Variants in KLF12 observed in about 807,000 individuals in gnomAD.
The protein encoded by KLF12 is KLF transcription factor 12.
A neutral mutation model predicts 37.8 loss-of-function variants in KLF12; 9 were observed. That is an observed-to-expected ratio of 0.24 (90% CI 0.14 to 0.42). The LOEUF is 0.42. Ranked by LOEUF, KLF12 falls within the 10% of genes least tolerant of loss-of-function variation. KLF12 has a pLI of 1.00. For missense variants in KLF12, 411 were observed against 516.0 expected (o/e 0.80, Z 1.97); for synonymous variants, 208 against 202.1 (o/e 1.03, Z -0.25).
At chr13:74,164,956 TTAGA>T in the KLF12 span, among the ~76,000 whole-genome samples, 1 of 152,126 alleles carries the variant, frequency 6.6e-6, no homozygotes, top group African/African-American at 2.4e-5. Context: ...AGAAATATAG[TTAGA>T]TAGAATGAAT....
In KLF12 at chr13:74,121,419, A is replaced by G. The variant is rs142693145; in HGVS notation, c.-32+12320T>C. Among the ~76,000 whole-genome samples, 514 of 152,216 alleles carry G rather than the reference A, an allele frequency of 3.4e-3. 1 individual carries two copies. Among genetic ancestry groups the G allele is most frequent in the African/African-American group, 0.012 (479 of 41,574 alleles). On this transcript the variant is annotated intron_variant, in intron 1 of 7. Transcript: ENST00000377669. Reference sequence around the variant, plus strand: ...CCTGAAACCAGTATCAGATGAATACATTAAAAGAAAAGAAAAAAGCTAATG... The same window carrying G: ...CCTGAAACCAGTATCAGATGAATACGTTAAAAGAAAAGAAAAAAGCTAATG...
chr13:73,989,568 G>A (rs1230596636), intron 2 of KLF12, among the ~76,000 whole-genome samples: 1 of 152,192 alleles, frequency 6.6e-6, no homozygotes, highest in Non-Finnish European at 1.5e-5. Flanking sequence ...GGGCACTGCT[G>A]TCCAATGGAA....
intron 1 of KLF12, among the ~76,000 whole-genome samples, chr13:74,076,355 TG>T (rs765474695): frequency 6.6e-6 from 1 of 152,192 alleles, no homozygotes; most frequent in Non-Finnish European, 1.5e-5. Flanking sequence ...CTCACAATTC[TG>T]GAGGCTGGAA....
intron 3 of KLF12, among the ~76,000 whole-genome samples, chr13:73,896,927 A>C (rs1208889302): frequency 6.6e-6 from 1 of 152,154 alleles, no homozygotes; most frequent in South Asian, 2.1e-4. Flanking sequence ...CTAAAATTCT[A>C]AACTCATAAA....
chr13:73,988,120 T>C (rs561755466), intron 2 of KLF12, among the ~76,000 whole-genome samples: 6 of 152,368 alleles, frequency 3.9e-5, no homozygotes, highest in Admixed American at 1.3e-4. Context: ...CCTGGAATCA[T>C]TGATTATCAC....
At chr13:73,981,881 A>G (rs1340200573) in intron 2 of KLF12, among the ~76,000 whole-genome samples, 2 of 152,174 alleles carry the variant, frequency 1.3e-5, no homozygotes, top group Non-Finnish European at 1.5e-5. Flanking sequence ...TAGTATTTAT[A>G]AATTACTCAG....
chr13:74,161,923 C>G, the KLF12 span, among the ~76,000 whole-genome samples: 2 of 152,134 alleles, frequency 1.3e-5, no homozygotes, highest in African/African-American at 4.8e-5. Flanking sequence ...TCTGATTAAT[C>G]TAGAGATGAT....
chr13:73,798,505 T>C (rs371877011), intron 5 of KLF12, among the ~76,000 whole-genome samples: 4 of 152,208 alleles, frequency 2.6e-5, no homozygotes, highest in Admixed American at 2.6e-4. Context: ...GAGAAAATAT[T>C]TGCAAACTAT....
At chr13:74,100,746 C>T (rs1876292605) in intron 1 of KLF12, among the ~76,000 whole-genome samples, 2 of 151,864 alleles carry the variant, frequency 1.3e-5, no homozygotes, top group African/African-American at 4.8e-5. Flanking sequence ...TGTGTACATG[C>T]CATTGAATCA....
intron 1 of KLF12, among the ~76,000 whole-genome samples, chr13:74,120,582 A>G (rs1425245572): frequency 6.6e-6 from 1 of 152,076 alleles, no homozygotes; most frequent in Non-Finnish European, 1.5e-5. Context: ...AGAAATAAAA[A>G]AAACCCTGGA....
At chr13:73,848,560 A>G (rs1396784354) in intron 3 of KLF12, among the ~76,000 whole-genome samples, 1 of 148,210 alleles carries the variant, frequency 6.7e-6, no homozygotes. Context: ...TATTATATAT[A>G]ATATATATAA....
At chr13:74,280,605 T>C in the KLF12 span, among the ~76,000 whole-genome samples, 2 of 152,216 alleles carry the variant, frequency 1.3e-5, no homozygotes, top group African/African-American at 4.8e-5. Context: ...ACATGATCTC[T>C]GGTCACATTC....
intron 3 of KLF12, among the ~76,000 whole-genome samples, chr13:73,860,186 T>C (rs1594180931): frequency 6.6e-6 from 1 of 152,184 alleles, no homozygotes; most frequent in Admixed American, 6.5e-5. Context: ...AGTTCAGGTG[T>C]CTGTTATCTC....
At chr13:74,046,097 C>T (rs749559690) in intron 1 of KLF12, among the ~76,000 whole-genome samples, 38 of 152,134 alleles carry the variant, frequency 2.5e-4, no homozygotes, top group East Asian at 1.9e-4. Context: ...CATGTTTAGA[C>T]GTTGTTTCAC....
At chr13:74,124,687 T>C (rs566631216) in intron 1 of KLF12, among the ~76,000 whole-genome samples, 26 of 152,104 alleles carry the variant, frequency 1.7e-4, no homozygotes, top group Admixed American at 1.1e-3. Context: ...CTAGAATCTA[T>C]TTTTGGAAAA....
Position 73,732,994 on chromosome 13 carries a change from C to T in KLF12, c.870-17469G>A, listed in dbSNP as rs115083451. The stretch of plus-strand genomic sequence containing the variant: ...CTATAGCTTATACAGGACCTACAGG[C>T]TCAACCTCTAAAACGTATCTCAAAT... On this transcript the variant is annotated intron_variant, in intron 6 of 7. Transcript: ENST00000377669. Among the ~76,000 whole-genome samples the T allele has an allele frequency of 7.7e-3, 1,169 of 152,256 alleles. 14 individuals are homozygous for T. The highest frequency in any genetic ancestry group is 0.026 in the African/African-American group (1,083 of 41,552).
chr13:74,124,915 G>A (rs1005462895), intron 1 of KLF12, among the ~76,000 whole-genome samples: 5 of 152,062 alleles, frequency 3.3e-5, no homozygotes, highest in African/African-American at 7.2e-5. Flanking sequence ...CAGCAGCAAG[G>A]CGGGTGGATC....
At chr13:73,749,749 T>C (rs1878619434) in intron 6 of KLF12, among the ~76,000 whole-genome samples, 1 of 152,188 alleles carries the variant, frequency 6.6e-6, no homozygotes, top group Non-Finnish European at 1.5e-5. Flanking sequence ...TTTATAATAC[T>C]ATATGGATTG....
the KLF12 span, among the ~76,000 whole-genome samples, chr13:74,276,438 A>C: frequency 5.3e-5 from 8 of 152,156 alleles, no homozygotes; most frequent in Admixed American, 5.2e-4. Context: ...GTTTGGATAA[A>C]TTATGCACAT....
Sources: gnomAD v4.1 joint callset for allele counts (sites outside exome capture counted in the v4.1 genomes callset) on GRCh38, gnomAD v4.1.1 for gene constraint, MANE v1.5 for transcripts, NCBI Gene and HGNC (gene_info 2026-07-23, HGNC 2026-07-21) for gene names.